Variants in RIC1 observed in about 807,000 individuals in gnomAD.
RIC1 encodes RIC1 partner of RAB6A GEF complex.
RIC1 carries 88 observed loss-of-function variants against 169.0 expected under a neutral mutation model. That is an observed-to-expected ratio of 0.52 (90% CI 0.44 to 0.62). The LOEUF (loss-of-function observed/expected upper bound fraction) is 0.62. RIC1 is among the 20% of genes least tolerant of loss of function. RIC1 has a pLI of 0.00. For synonymous variants in RIC1, 790 were observed against 601.5 expected, an observed-to-expected ratio of 1.31 and a Z score of -4.59; for missense variants, 1,877 against 1,725.5, an observed-to-expected ratio of 1.09 and a Z score of -1.56.
intron 8 of RIC1, among the ~76,000 whole-genome samples, chr9:5,741,691 C>T (rs1352692205): frequency 6.6e-6 from 1 of 152,096 alleles, no homozygotes; most frequent in Non-Finnish European, 1.5e-5. Flanking sequence ...TGAGTCTTCT[C>T]CTTTATTTTC....
At position 5,738,545 on chromosome 9, in the gene RIC1, CTTTTT is replaced by C. The variant is rs74310870; in HGVS notation, c.901+24_901+28del. On this transcript the variant is annotated splice_region_variant and intron_variant, in intron 8 of 25. Transcript: ENST00000414202. ...ACAGCAAAACAGTATCCTGGTGAGT[CTTTTT>C]TTTTTTTTTTTTTTTTAACATTTTT... The C allele has an allele frequency of 2.1e-4, 172 of 814,398 alleles. No individual in the cohort carries two copies. Among genetic ancestry groups the C allele is most frequent in the Admixed American group, 3.3e-4 (9 of 27,018 alleles). The allele number at this position is 814,398 out of a possible 1,614,324, so 50.4% of individuals were successfully genotyped here.
intron 2 of RIC1, 130 bp from the exon 3 acceptor site, chr9:5,689,829 G>A: frequency 1.7e-6 from 1 of 590,800 alleles, no homozygotes; most frequent in East Asian, 3.3e-5. Context: ...GCATAATTAG[G>A]CTATAATTCT....
intron 7 of RIC1, among the ~76,000 whole-genome samples, chr9:5,737,488 A>G (rs1001646664): frequency 1.3e-5 from 2 of 152,168 alleles, no homozygotes; most frequent in African/African-American, 4.8e-5. Flanking sequence ...ATTTGTATAC[A>G]TTAACTCTTT....
chr9:5,711,899 A>G (rs1306453401), intron 3 of RIC1, among the ~76,000 whole-genome samples: 3 of 152,224 alleles, frequency 2.0e-5, no homozygotes, highest in African/African-American at 4.8e-5. Context: ...TACAAAGGAC[A>G]TGAACTCATC....
At chr9:5,667,693 T>TC (rs1819859078) in intron 2 of RIC1, among the ~76,000 whole-genome samples, 2 of 152,108 alleles carry the variant, frequency 1.3e-5, no homozygotes, top group South Asian at 4.2e-4. Context: ...TTTGTAGAGA[T>TC]GTGATCTCAC....
chr9:5,766,102 C>T (rs1420923475), intron 21 of RIC1, among the ~76,000 whole-genome samples: 1 of 152,190 alleles, frequency 6.6e-6, no homozygotes, highest in Non-Finnish European at 1.5e-5. Flanking sequence ...AATGCAGTGG[C>T]ACCATCTCAG....
intron 6 of RIC1, among the ~76,000 whole-genome samples, chr9:5,722,589 G>A (rs888122566): frequency 1.3e-5 from 2 of 151,826 alleles, no homozygotes; most frequent in Admixed American, 6.6e-5. Context: ...TAAGTTCTAG[G>A]GTACATGTGC....
intron 3 of RIC1, among the ~76,000 whole-genome samples, chr9:5,708,581 T>A (rs115357026): frequency 6.6e-6 from 1 of 152,278 alleles, no homozygotes; most frequent in East Asian, 1.9e-4. Flanking sequence ...CCCACTGTTC[T>A]CTGGCCTCCA....
At chr9:5,693,038 G>C (rs887498553) in intron 3 of RIC1, among the ~76,000 whole-genome samples, 1 of 152,018 alleles carries the variant, frequency 6.6e-6, no homozygotes, top group East Asian at 1.9e-4. Flanking sequence ...GTAATATACT[G>C]TCTCAACCCT....
At position 5,763,467 on chromosome 9, in the gene RIC1, C is replaced by G; in HGVS notation, c.2440C>G (p.Leu814Val). Residue 814 changes from leucine (L) to valine (V), a missense_variant, in exon 19 of 26, where the codon CTC becomes GTC. Physicochemically the swap from Leu to Val is conservative, Grantham distance 32. Coordinates refer to ENST00000414202, the MANE Select transcript of RIC1 (RefSeq NM_020829.4). The surrounding 1 kb of genome is among the most constrained non-coding windows in gnomAD (Gnocchi z 5.2). ...CAATGCTAGAGAACAGCTGGAGGTG[C>G]TCTTCCCTTTCTGTGTTGTGGAGAG... The part of the protein sequence containing the change: ...RNNAREQLEV[L>V]FPFCVVERTS... 1.9e-6 allele frequency: 3 copies of G among 1,614,182 alleles called. No homozygotes were observed. The highest frequency in any genetic ancestry group is 2.5e-6 in the Non-Finnish European group (3 of 1,180,016).
chr9:5,701,320 A>T (rs1251985235), intron 3 of RIC1, among the ~76,000 whole-genome samples: 1 of 152,162 alleles, frequency 6.6e-6, no homozygotes, highest in Non-Finnish European at 1.5e-5. Flanking sequence ...GCTTAGAAAT[A>T]AATGTTTGGG....
chr9:5,646,632 G>T (rs139434248), intron 1 of RIC1, among the ~76,000 whole-genome samples: 73 of 152,214 alleles, frequency 4.8e-4, no homozygotes, highest in Non-Finnish European at 9.6e-4. Context: ...AGGCCATAAC[G>T]TCTAGGTTTG....
chr9:5,650,349 C>T (rs1435229169), intron 1 of RIC1, among the ~76,000 whole-genome samples: 2 of 151,982 alleles, frequency 1.3e-5, no homozygotes, highest in African/African-American at 4.8e-5. Context: ...GTGAGGCAAT[C>T]TCTATGCTCC....
chr9:5,762,974 A>T (rs954716026), intron 18 of RIC1, among the ~76,000 whole-genome samples, 166 bp from the exon 19 acceptor site: 10 of 152,218 alleles, frequency 6.6e-5, no homozygotes, highest in African/African-American at 2.4e-4. Context: ...ATATACTTTA[A>T]AAGGCCAGGA....
chr9:5,685,869 C>T (rs1821187227), intron 2 of RIC1, among the ~76,000 whole-genome samples: 1 of 138,710 alleles, frequency 7.2e-6, no homozygotes, highest in Admixed American at 7.3e-5. Flanking sequence ...ATTTTTGCAA[C>T]CTACTCATCT....
At chr9:5,778,403 G>A (rs112791450), downstream of RIC1, among the ~76,000 whole-genome samples, 3,437 of 152,158 alleles carry the variant, frequency 0.023, 61 homozygotes, top group Middle Eastern at 0.11. Flanking sequence ...CTGCCAAACG[G>A]TCCTGGCTAG....
At chr9:5,653,399 G>T (rs759373264) in intron 1 of RIC1, among the ~76,000 whole-genome samples, 8 of 152,038 alleles carry the variant, frequency 5.3e-5, no homozygotes, top group Non-Finnish European at 1.2e-4. Context: ...GTATTAAGTT[G>T]CTAGTCTTGG....
At position 5,772,777 on chromosome 9, in the gene RIC1, T is replaced by C. The variant is rs750258091; in HGVS notation, c.3794+36T>C. ...TGGCTATTTGAAATCACAGAATGCC[T>C]ACTCAGAGTATTTGGGCAAATAGGT... is the stretch of plus-strand genomic sequence containing the variant. On this transcript the variant is annotated intron_variant, in intron 24 of 25. Transcript: ENST00000414202. 3 of 1,581,390 alleles carry C rather than the reference T, an allele frequency of 1.9e-6. No homozygotes were observed. In the South Asian group the frequency reaches 3.5e-5, roughly 18 times the overall value.
intron 2 of RIC1, among the ~76,000 whole-genome samples, chr9:5,688,648 A>G (rs1228991555): frequency 6.6e-6 from 1 of 152,218 alleles, no homozygotes; most frequent in African/African-American, 2.4e-5. Flanking sequence ...CAAATACATT[A>G]TAAAATAGTA....
Sources: gnomAD v4.1 joint callset for allele counts (sites outside exome capture counted in the v4.1 genomes callset) on GRCh38, gnomAD v4.1.1 for gene constraint, Gnocchi (gnomAD v3.1) non-coding constraint, MANE v1.5 for transcripts, NCBI Gene and HGNC (gene_info 2026-07-23, HGNC 2026-07-21) for gene names.